ITGA5: variants seen among roughly 807,000 people sequenced by gnomAD.
The protein encoded by ITGA5 is integrin alpha-5.
ITGA5 carries 55 observed loss-of-function variants against 146.3 expected under a neutral mutation model. The ratio of observed to expected loss-of-function variants is 0.38; its 90% confidence interval spans 0.30 to 0.47. The LOEUF (loss-of-function observed/expected upper bound fraction) is 0.47, where lower values mean the gene tolerates loss of function less well. Among genes scored for constraint, ITGA5 ranks in the 20% least tolerant of loss-of-function variants. ITGA5 has a pLI of 0.99. For missense variants in ITGA5, 1,131 were observed against 1,329.0 expected, an observed-to-expected ratio of 0.85 and a Z score of 2.32; for synonymous variants, 500 against 531.8, an observed-to-expected ratio of 0.94 and a Z score of 0.82.
Position 54,418,961 on chromosome 12 carries a change from C to T in ITGA5, c.218+20G>A. ...GGCGGCTCCCCCACCCCCATCCCGT[C>T]TCCAGCCCTCCTCACTCACCCGTCT... On this transcript the variant is annotated intron_variant, in intron 1 of 29. Transcript: ENST00000293379. The T allele has an allele frequency of 1.2e-6, 2 of 1,610,416 alleles. No homozygotes were observed. Among genetic ancestry groups the T allele is most frequent in the Non-Finnish European group, 1.7e-6 (2 of 1,179,004 alleles).
chr12:54,400,620 A>G (rs928198358), intron 25 of ITGA5: 2 of 505,372 alleles, frequency 4.0e-6, no homozygotes, highest in Non-Finnish European at 3.5e-6. Flanking sequence ...CCCTAGGGGT[A>G]TGCCGGGAAA....
In ITGA5 at chr12:54,402,968, G is replaced by A. The variant is rs534546562; in HGVS notation, c.1982+15C>T. On this transcript the variant is annotated intron_variant, in intron 19 of 29. Transcript: ENST00000293379. ...TGCACCTGGAGCTCCCTAGCTTACC[G>A]TCAGCCCTACTTACCCAAACACTTC... 10 of 1,612,154 alleles carry A rather than the reference G, an allele frequency of 6.2e-6. No homozygotes were observed. Among genetic ancestry groups the A allele is most frequent in the Admixed American group, 5.0e-5 (3 of 60,004 alleles).
intron 9 of ITGA5, among the ~76,000 whole-genome samples, chr12:54,406,675 T>A (rs1347448148): frequency 6.6e-6 from 1 of 152,244 alleles, no homozygotes; most frequent in Admixed American, 6.5e-5. Context: ...ATGAGTCTGC[T>A]AAGTTGGGCT....
Position 54,404,157 on chromosome 12 carries a change from T to C in ITGA5, c.1553A>G (p.Asn518Ser), listed in dbSNP as rs1314150572. Residue 518 changes from asparagine (N) to serine (S), a missense_variant, in exon 15 of 30, where the codon AAC becomes AGC. Asn to Ser is a conservative substitution (Grantham distance 46). Around this residue, in one of 3 missense-constraint regions of ITGA5, gnomAD observed 889 missense variants for 1,021.5 expected, o/e 0.87. Coordinates refer to ENST00000293379, the MANE Select transcript of ITGA5 (RefSeq NM_002205.5). The part of the protein sequence containing the change: ...PEERSCSLEG[N>S]PVACINLSFC... The stretch of plus-strand genomic sequence containing the variant: ...GGCACCAGCTCACCAGGCCACAGGG[T>C]TCCCCTCTAAGCTGCAGCTCCGCTC... The C allele has an allele frequency of 6.3e-7, 1 of 1,587,050 alleles. No individual in the cohort carries two copies. Among genetic ancestry groups the C allele is most frequent in the South Asian group, 1.2e-5 (1 of 86,322 alleles).
intron 29 of ITGA5, 115 bp downstream of exon 29, chr12:54,397,250 G>C (rs1955722665): frequency 8.8e-7 from 1 of 1,139,352 alleles, no homozygotes; most frequent in African/African-American, 1.5e-5. Context: ...AGCCAGGACA[G>C]AGGTGGGGGC....
chr12:54,404,892 C>G lies in ITGA5; in HGVS notation c.1228G>C (p.Val410Leu). 6.4e-7 allele frequency: 1 copy of G among 1,569,962 alleles called. No individual in the cohort carries two copies. The highest frequency in any genetic ancestry group is 8.6e-7 in the Non-Finnish European group (1 of 1,161,636). The change falls in exon 13 of 30, where the codon GTG becomes CTG. Residue 410 changes from valine to leucine, a missense_variant and splice_region_variant. Val to Leu is a conservative substitution (Grantham distance 32, BLOSUM62 1). This residue lies in a region of ITGA5 where 889 missense variants were observed against 1,021.5 expected (regional missense o/e 0.87). Transcript: ENST00000293379. ...CCACCAAAGGGAGCCCCGATGGCCA[C>G]ATCTGGAAGACACAGAACACACACT... is the stretch of plus-strand genomic sequence containing the variant. ...GDLDQDGYND[V>L]AIGAPFGGET...
rs372651499 is a variant in ITGA5 at position 54,396,348 on chromosome 12, T to C, written c.3095A>G (p.Tyr1032Cys). 2 of 1,613,890 alleles carry C rather than the reference T, an allele frequency of 1.2e-6. No homozygotes were observed. Among genetic ancestry groups the C allele is most frequent in the South Asian group, 1.1e-5 (1 of 91,080 alleles). The change falls in exon 30 of 30, where the codon TAT becomes TGT. Residue 1032 changes from tyrosine to cysteine, a missense_variant. Physicochemically the swap from Tyr to Cys is radical, Grantham distance 194. This residue lies in a region of ITGA5 where 889 missense variants were observed against 1,021.5 expected (regional missense o/e 0.87). Transcript: ENST00000293379. ...CTGAGCTTTTTCCATGGCGGTGCCA[T>C]ATGGGAGGGAGCGTTTGAAGAATCC... ...KLGFFKRSLPYGTAMEKAQLK... is the reference protein window; with the variant it reads ...KLGFFKRSLPCGTAMEKAQLK...
rs1955781644 is a variant in ITGA5, at chr12:54,401,375, C to T, written c.2491G>A (p.Glu831Lys). 2 of 1,607,696 alleles carry T rather than the reference C, an allele frequency of 1.2e-6. No individual in the cohort carries two copies. Among genetic ancestry groups the T allele is most frequent in the Non-Finnish European group, 1.7e-6 (2 of 1,174,168 alleles). Residue 831 changes from glutamate to lysine, a missense_variant and splice_region_variant, in exon 24 of 30, where the codon GAG becomes AAG. Physicochemically the swap from Glu to Lys is moderately conservative, Grantham distance 56 (BLOSUM62 1). This residue lies in a region of ITGA5 where 889 missense variants were observed against 1,021.5 expected (regional missense o/e 0.87). Transcript: ENST00000293379. This position sits in a 1 kb window ranked among gnomAD's most constrained non-coding sequence, Gnocchi z 5.0. ...DLGPAVHHVY[E>K]LINQGPSSIS... ...GGCCCTGCCCCTTCCCCCCTTACCT[C>T]ATAGACATGGTGGACAGCAGGTCCC...
chr12:54,397,159 A>G, intron 29 of ITGA5: 1 of 452,914 alleles, frequency 2.2e-6, no homozygotes, highest in Non-Finnish European at 4.0e-6. Flanking sequence ...TATCATCTTG[A>G]GTCAAGAGGA....
At chr12:54,407,373 A>G (rs1056432446) in intron 9 of ITGA5, 3 of 494,672 alleles carry the variant, frequency 6.1e-6, no homozygotes, top group East Asian at 3.3e-5. Context: ...TTTCACATGC[A>G]TTTTCTCATT....
intron 11 of ITGA5, 86 bp from the exon 12 acceptor site, chr12:54,405,460 G>A (rs1955853885): frequency 8.4e-7 from 1 of 1,185,018 alleles, no homozygotes; most frequent in African/African-American, 1.5e-5. Context: ...CGGACACTCT[G>A]AATTCCATCA....
chr12:54,405,156 T>C lies in ITGA5; in HGVS notation c.1225+10A>G, dbSNP rs771123629. ...CCTCCTCTTTCACTCTCTGAGCCCATGGTACTCACCATTGTAGCCATCCTG... is the reference window on the plus strand; with the variant it reads ...CCTCCTCTTTCACTCTCTGAGCCCACGGTACTCACCATTGTAGCCATCCTG... On this transcript the variant is annotated intron_variant, in intron 12 of 29. Transcript: ENST00000293379. 3.2e-6 allele frequency: 5 copies of C among 1,573,690 alleles called. No individual in the cohort carries two copies. In the African/African-American group the frequency reaches 4.1e-5, roughly 13 times the overall value.
Position 54,397,789 on chromosome 12 carries a change from G to C in ITGA5, c.2944-302C>G, listed in dbSNP as rs528388306. On this transcript the variant is annotated intron_variant, in intron 28 of 29. Coordinates refer to ENST00000293379, the MANE Select transcript of ITGA5 (RefSeq NM_002205.5). ...ATTAGGTGCCAATGTCTGAGTCTGG[G>C]TTCCAGATCAACTCCACCTCTTATT... Among the ~76,000 whole-genome samples the C allele has an allele frequency of 6.4e-4, 98 of 152,278 alleles. 2 individuals are homozygous for C. Among genetic ancestry groups the C allele is most frequent in the African/African-American group, 2.3e-3 (95 of 41,568 alleles).
intron 1 of ITGA5, among the ~76,000 whole-genome samples, chr12:54,415,625 G>T (rs1565645549): frequency 1.3e-5 from 2 of 152,132 alleles, no homozygotes; most frequent in African/African-American, 4.8e-5. Flanking sequence ...TCTCATATCT[G>T]CTATCTCCCC....
rs1185492003 is a variant in ITGA5 at position 54,398,631 on chromosome 12, A to C, written c.2909T>G (p.Ile970Ser). The C allele has an allele frequency of 1.2e-6, 2 of 1,611,066 alleles. No homozygotes were observed. Among genetic ancestry groups the C allele is most frequent in the African/African-American group, 2.7e-5 (2 of 74,668 alleles). Residue 970 changes from isoleucine (I) to serine (S), a missense_variant, in exon 28 of 30, where the codon ATC becomes AGC. Coordinates refer to ENST00000293379, the MANE Select transcript of ITGA5 (RefSeq NM_002205.5). ...VYKALKMPYR[I>S]LPRQLPQKER... ...TTTTTGGGGCAGCTGCCGAGGCAGGATTCGGTAGGGCATCTTCAGGGCTTT... is the reference window on the plus strand; with the variant it reads ...TTTTTGGGGCAGCTGCCGAGGCAGGCTTCGGTAGGGCATCTTCAGGGCTTT...
intron 1 of ITGA5, among the ~76,000 whole-genome samples, chr12:54,415,105 G>A (rs1339755148): frequency 2.0e-5 from 3 of 152,080 alleles, no homozygotes; most frequent in Admixed American, 1.3e-4. Context: ...CCGAGATTGC[G>A]CCATTGCATC....
chr12:54,406,197 T>C (rs1955864486), intron 9 of ITGA5: 1 of 532,648 alleles, frequency 1.9e-6, no homozygotes, highest in African/African-American at 1.9e-5. Context: ...CCCACTAGAA[T>C]GTAAGATCAA....
In ITGA5 at chr12:54,401,717, C is replaced by T. The variant is rs774499188; in HGVS notation, c.2307-52G>A. On this transcript the variant is annotated intron_variant, in intron 22 of 29. Coordinates refer to ENST00000293379, the MANE Select transcript of ITGA5 (RefSeq NM_002205.5). The surrounding 1 kb of genome is among the most constrained non-coding windows in gnomAD (Gnocchi z 5.0). The stretch of plus-strand genomic sequence containing the variant: ...GCTGGAGTGCAGCCAGTGAGAATGG[C>T]GCCCAGCCCTCCCTTCCGTCCCCAG... 3.0e-5 allele frequency: 49 copies of T among 1,610,036 alleles called. No individual in the cohort carries two copies. Among genetic ancestry groups the T allele is most frequent in the South Asian group, 1.2e-4 (11 of 90,976 alleles).
chr12:54,402,145 A>G (rs1955794754), intron 20 of ITGA5, 35 bp downstream of exon 20: 1 of 1,613,048 alleles, frequency 6.2e-7, no homozygotes, highest in Admixed American at 1.7e-5. Flanking sequence ...CTAGAGGGGT[A>G]TCCTCCCAAA....
Sources: allele counts gnomAD v4.1 joint callset (sites outside exome capture counted in the v4.1 genomes callset), GRCh38; gene constraint gnomAD v4.1.1; regional missense constraint gnomAD v4.1.1; non-coding constraint Gnocchi (gnomAD v3.1); transcripts MANE v1.5; gene names NCBI Gene and HGNC (gene_info 2026-07-23, HGNC 2026-07-21).